Variants in LDB2 observed in about 807,000 individuals in gnomAD.
The protein encoded by LDB2 is LIM domain binding 2, also known as LIM domain-binding protein 2.
Under a neutral mutation model 44.3 loss-of-function variants are expected in LDB2, and 12 were observed. The ratio of observed to expected loss-of-function variants is 0.27; its 90% confidence interval spans 0.17 to 0.44. The LOEUF (loss-of-function observed/expected upper bound fraction) is 0.44. Ranked by LOEUF, LDB2 falls within the 20% of genes least tolerant of loss-of-function variation. The pLI, the probability that LDB2 is intolerant of heterozygous loss-of-function variation, is 1.00. For missense variants in LDB2, 344 were observed against 473.5 expected (o/e 0.73, Z 2.54); for synonymous variants, 164 against 174.8 (o/e 0.94, Z 0.49).
At chr4:16,631,465 G>A (rs1377030100) in intron 2 of LDB2, among the ~76,000 whole-genome samples, 3 of 152,080 alleles carry the variant, frequency 2.0e-5, no homozygotes, top group Non-Finnish European at 4.4e-5. Context: ...AGCACTAAAT[G>A]CCCACAAGAG....
rs528520535 is a variant in LDB2 at position 16,788,563 on chromosome 4, A to G, written c.133-29303T>C. ...GGTCTTCTAAAAGGTGTGGGCCCCAAGCCATCCCAACCCCTATGGGGATGC... is the reference window on the plus strand; with the variant it reads ...GGTCTTCTAAAAGGTGTGGGCCCCAGGCCATCCCAACCCCTATGGGGATGC... On this transcript the variant is annotated intron_variant, in intron 1 of 7. Transcript: ENST00000304523. Among the ~76,000 whole-genome samples, 9 of 152,330 alleles carry G rather than the reference A, an allele frequency of 5.9e-5. No individual in the cohort carries two copies. In the East Asian group the frequency reaches 1.7e-3, roughly 29 times the overall value.
chr4:16,561,433 CAGAG>C (rs1245848367), intron 5 of LDB2, among the ~76,000 whole-genome samples: 1 of 152,162 alleles, frequency 6.6e-6, no homozygotes, highest in Non-Finnish European at 1.5e-5. Context: ...AACACACAAA[CAGAG>C]AGCCAAAACA....
intron 1 of LDB2, among the ~76,000 whole-genome samples, chr4:16,880,658 G>A (rs16894153): frequency 0.042 from 6,370 of 152,076 alleles, 391 homozygotes; most frequent in African/African-American, 0.14. Flanking sequence ...CTCTGCTGCT[G>A]ATACAAAGAT....
intron 1 of LDB2, among the ~76,000 whole-genome samples, chr4:16,792,950 G>A (rs1035789087): frequency 6.6e-6 from 1 of 152,164 alleles, no homozygotes; most frequent in Non-Finnish European, 1.5e-5. Context: ...TGTTGAGCAA[G>A]TTCAACAATC....
chr4:16,620,107 G>A (rs1728466729), intron 2 of LDB2, among the ~76,000 whole-genome samples: 1 of 152,124 alleles, frequency 6.6e-6, no homozygotes, highest in Non-Finnish European at 1.5e-5. Context: ...CTAGCCTCCT[G>A]TTGTCCAAAA....
At chr4:16,564,115 A>T (rs1743593618) in intron 5 of LDB2, among the ~76,000 whole-genome samples, 1 of 152,138 alleles carries the variant, frequency 6.6e-6, no homozygotes, top group Admixed American at 6.5e-5. Flanking sequence ...TAATTACCAG[A>T]TACTCAAAAG....
At chr4:16,896,229 T>G (rs1724956420) in intron 1 of LDB2, among the ~76,000 whole-genome samples, 1 of 152,190 alleles carries the variant, frequency 6.6e-6, no homozygotes, top group Admixed American at 6.5e-5. Context: ...TGAAGTAGTC[T>G]TTTTCTACTC....
intron 3 of LDB2, among the ~76,000 whole-genome samples, chr4:16,594,635 C>T (rs1324053878): frequency 1.3e-5 from 2 of 152,074 alleles, no homozygotes; most frequent in East Asian, 1.9e-4. Context: ...TGAAAGTATA[C>T]CAAAAAGATC....
intron 2 of LDB2, among the ~76,000 whole-genome samples, chr4:16,644,374 C>T (rs1240697761): frequency 2.0e-5 from 3 of 151,836 alleles, no homozygotes; most frequent in Non-Finnish European, 2.9e-5. Context: ...ATGTCCATTT[C>T]GTTTTTCATG....
chr4:16,657,499 T>C (rs919555873), intron 2 of LDB2, among the ~76,000 whole-genome samples: 2 of 152,232 alleles, frequency 1.3e-5, no homozygotes, highest in African/African-American at 4.8e-5. Context: ...GCAGCCAGCG[T>C]GATCTTTTAG....
intron 2 of LDB2, among the ~76,000 whole-genome samples, chr4:16,605,801 G>A (rs144427007): frequency 4.6e-5 from 7 of 152,190 alleles, no homozygotes; most frequent in African/African-American, 7.2e-5. Flanking sequence ...AGACCTCCCC[G>A]CCCTGCTCAC....
At chr4:16,573,369 C>T (rs1255272087) in intron 5 of LDB2, among the ~76,000 whole-genome samples, 1 of 152,150 alleles carries the variant, frequency 6.6e-6, no homozygotes, top group Non-Finnish European at 1.5e-5. Context: ...AGACTAGTGG[C>T]CACTTGCCAT....
intron 5 of LDB2, among the ~76,000 whole-genome samples, chr4:16,569,698 C>T (rs1745729400): frequency 6.6e-6 from 1 of 152,158 alleles, no homozygotes; most frequent in South Asian, 2.1e-4. Flanking sequence ...ATCCATCCAG[C>T]TGCTTGGCGT....
At chr4:16,708,159 T>C (rs1310531923) in intron 2 of LDB2, among the ~76,000 whole-genome samples, 1 of 151,842 alleles carries the variant, frequency 6.6e-6, no homozygotes, top group Admixed American at 6.6e-5. Context: ...CACCCAACTT[T>C]GGGGGAAAAA....
intron 1 of LDB2, among the ~76,000 whole-genome samples, chr4:16,808,489 AT>A (rs1232912719): frequency 6.6e-6 from 1 of 152,076 alleles, no homozygotes; most frequent in Non-Finnish European, 1.5e-5. Context: ...GTTTTGAGGG[AT>A]TTTTTAAAGA....
At chr4:16,587,229 C>G (rs1191836199) in intron 4 of LDB2, among the ~76,000 whole-genome samples, 1 of 152,142 alleles carries the variant, frequency 6.6e-6, no homozygotes, top group East Asian at 1.9e-4. Context: ...TGATGAGAGC[C>G]AATCGCCAAA....
intron 5 of LDB2, among the ~76,000 whole-genome samples, chr4:16,553,649 C>A (rs1399238533): frequency 6.6e-6 from 1 of 152,170 alleles, no homozygotes; most frequent in African/African-American, 2.4e-5. Flanking sequence ...AAGAAAGCTT[C>A]TTTTCCTATC....
chr4:16,749,589 A>AAAT (rs1554000498), intron 2 of LDB2, among the ~76,000 whole-genome samples: 10 of 143,384 alleles, frequency 7.0e-5, no homozygotes, highest in East Asian at 4.0e-4. Flanking sequence ...AATAAAAAAA[A>AAAT]ATATATATAT....
intron 5 of LDB2, among the ~76,000 whole-genome samples, chr4:16,535,082 T>C (rs968349894): frequency 6.6e-6 from 1 of 152,238 alleles, no homozygotes. Flanking sequence ...AGCAGGCTTT[T>C]CCATGCATCT....
Sources: allele counts gnomAD v4.1 joint callset (sites outside exome capture counted in the v4.1 genomes callset), GRCh38; gene constraint gnomAD v4.1.1; transcripts MANE v1.5; gene names NCBI Gene and HGNC (gene_info 2026-07-23, HGNC 2026-07-21).